Variants in PCDHGA8 observed in about 807,000 individuals in gnomAD.
PCDHGA8 encodes the protein protocadherin gamma subfamily A, 8.
A neutral mutation model predicts 59.2 loss-of-function variants in PCDHGA8; 45 were observed. That is an observed-to-expected ratio of 0.76 (90% confidence interval 0.60 to 0.98). The LOEUF (loss-of-function observed/expected upper bound fraction) is 0.98, where lower values mean the gene tolerates loss of function less well. Among genes scored for constraint, PCDHGA8 ranks in the 50% least tolerant of loss-of-function variants. PCDHGA8 has a pLI of 0.00. For missense variants in PCDHGA8, 1,257 were observed against 1,196.2 expected (o/e 1.05, Z -0.75); for synonymous variants, 531 against 519.0 (o/e 1.02, Z -0.32).
intron 1 of PCDHGA8, chr5:141,415,677 C>T (rs375781400): frequency 4.7e-6 from 7 of 1,499,248 alleles, no homozygotes; most frequent in Middle Eastern, 1.8e-4. Flanking sequence ...TTGAAGTTTG[C>T]GGCATGATGG....
intron 1 of PCDHGA8, among the ~76,000 whole-genome samples, chr5:141,482,723 A>G (rs1441054551): frequency 2.3e-5 from 3 of 128,892 alleles, no homozygotes; most frequent in Non-Finnish European, 4.9e-5. Context: ...GGGAGGGGCC[A>G]TTGCAAGAAA....
rs143317584 is a variant in PCDHGA8 at position 141,432,282 on chromosome 5, A to G, written c.2424+37045A>G. 5.0e-5 allele frequency: 81 copies of G among 1,613,850 alleles called. No homozygotes were observed. The African/African-American group carries it at 6.4e-4, about 13-fold the overall frequency. ...AGCCTATCGTCCTACGTGTCCATCAACTCCGACACTGGGGTACTGTATGCG... is the reference window on the plus strand; with the variant it reads ...AGCCTATCGTCCTACGTGTCCATCAGCTCCGACACTGGGGTACTGTATGCG... On this transcript the variant is annotated intron_variant, in intron 1 of 3. Transcript: ENST00000398604. This position sits in a 1 kb window ranked among gnomAD's most constrained non-coding sequence, Gnocchi z 6.0.
chr5:141,480,414 CAA>C (rs10712552), intron 1 of PCDHGA8, among the ~76,000 whole-genome samples: 346 of 147,498 alleles, frequency 2.3e-3, no homozygotes, highest in African/African-American at 8.3e-3. Flanking sequence ...GACCCTGTCT[CAA>C]AAAAAAAAAT....
chr5:141,403,753 C>T lies in PCDHGA8; in HGVS notation c.2424+8516C>T, dbSNP rs767515334. 1.5e-5 allele frequency: 25 copies of T among 1,613,504 alleles called. No homozygotes were observed. In the South Asian group the frequency reaches 2.6e-4, roughly 17 times the overall value. On this transcript the variant is annotated intron_variant, in intron 1 of 3. Transcript: ENST00000398604. ...CCTGGCTGCTTACTGCAACAGCCAG[C>T]GACCTGGATGAGGGAATCAACGGAA...
intron 1 of PCDHGA8, chr5:141,408,686 A>G (rs2095150873): frequency 6.2e-7 from 1 of 1,613,848 alleles, no homozygotes; most frequent in Non-Finnish European, 8.5e-7. Flanking sequence ...GGATCCTGAT[A>G]TAAACATAAA....
intron 1 of PCDHGA8, chr5:141,407,908 G>C (rs1431775491): frequency 2.4e-6 from 1 of 420,166 alleles, no homozygotes; most frequent in Non-Finnish European, 4.2e-6. Flanking sequence ...ATGAAAAACC[G>C]GGCTGCTGTC....
In PCDHGA8 at chr5:141,395,078, G is replaced by C; in HGVS notation, c.2265G>C (p.Gln755His). The change falls in exon 1 of 4, where the codon CAG becomes CAC. Residue 755 changes from glutamine (Q) to histidine (H), a missense_variant. Physicochemically the swap from Gln to His is conservative, Grantham distance 24. Coordinates refer to ENST00000398604, the MANE Select transcript of PCDHGA8 (RefSeq NM_032088.2). ...AGGCTTTCCTGCAGACCTATTCCCA[G>C]GAAGTCTCCCTCACCGCCGACTCGC... Reference protein sequence around the residue: ...EVQAFLQTYSQEVSLTADSRK... With the variant: ...EVQAFLQTYSHEVSLTADSRK... The C allele has an allele frequency of 6.2e-7, 1 of 1,614,126 alleles. No homozygotes were observed. Among genetic ancestry groups the C allele is most frequent in the Non-Finnish European group, 8.5e-7 (1 of 1,180,028 alleles).
At chr5:141,433,208 CTTT>C (rs745329085) in intron 1 of PCDHGA8, 6 of 1,292,918 alleles carry the variant, frequency 4.6e-6, no homozygotes, top group East Asian at 2.6e-5. Flanking sequence ...AATCTTCTTT[CTTT>C]TTTTTTTTTA....
chr5:141,441,547 A>G (rs1393958373), intron 1 of PCDHGA8: 1 of 182,772 alleles, frequency 5.5e-6, no homozygotes, highest in Admixed American at 6.4e-5. Context: ...CAAAGCCTCC[A>G]TAGTGTGCAA....
intron 2 of PCDHGA8, 57 bp downstream of exon 2, chr5:141,494,922 C>G: frequency 6.2e-7 from 1 of 1,613,670 alleles, no homozygotes; most frequent in Admixed American, 1.7e-5. Context: ...TCAGGGATGA[C>G]GTGGGAGGAG....
At chr5:141,492,778 G>A (rs2099743821) in intron 1 of PCDHGA8, among the ~76,000 whole-genome samples, 1 of 152,250 alleles carries the variant, frequency 6.6e-6, no homozygotes, top group South Asian at 2.1e-4. Context: ...GAGTGAGTGA[G>A]CCTCTATAGG....
intron 1 of PCDHGA8, chr5:141,415,268 T>C: frequency 6.2e-7 from 1 of 1,614,174 alleles, no homozygotes; most frequent in Non-Finnish European, 8.5e-7. Flanking sequence ...CTGTACCTGG[T>C]GGTAGCGGTG....
chr5:141,415,845 A>G, intron 1 of PCDHGA8: 1 of 1,246,436 alleles, frequency 8.0e-7, no homozygotes, highest in Non-Finnish European at 1.0e-6. Flanking sequence ...TTAGCTTTGC[A>G]GAACCTTGTA....
chr5:141,441,725 C>A, intron 1 of PCDHGA8: 1 of 352,450 alleles, frequency 2.8e-6, no homozygotes. Flanking sequence ...AGGCCCGCGA[C>A]CAGGACTAGC....
Position 141,489,173 on chromosome 5 carries a change from C to T in PCDHGA8, c.2425-5634C>T. 8.3e-7 allele frequency: 1 copy of T among 1,208,434 alleles called. No individual in the cohort carries two copies. Among genetic ancestry groups the T allele is most frequent in the Non-Finnish European group, 1.2e-6 (1 of 860,944 alleles). The allele number at this position is 1,208,434 out of a possible 1,614,324, so 74.9% of individuals were successfully genotyped here. ...CATAAGAGACTTCAGCTGCTGCATTCCAAGCCCTGGGTCTACCTTGGAGAC... is the reference window on the plus strand; with the variant it reads ...CATAAGAGACTTCAGCTGCTGCATTTCAAGCCCTGGGTCTACCTTGGAGAC... On this transcript the variant is annotated intron_variant, in intron 1 of 3. Coordinates refer to ENST00000398604, the MANE Select transcript of PCDHGA8 (RefSeq NM_032088.2). The surrounding 1 kb of genome is among the most constrained non-coding windows in gnomAD (Gnocchi z 4.5).
intron 1 of PCDHGA8, among the ~76,000 whole-genome samples, chr5:141,484,535 A>G (rs2099597486): frequency 6.6e-6 from 1 of 152,178 alleles, no homozygotes. Flanking sequence ...AGTATATGGC[A>G]GTGGTTCTAA....
chr5:141,404,800 C>G (rs369141362), intron 1 of PCDHGA8: 3 of 1,613,970 alleles, frequency 1.9e-6, no homozygotes, highest in Middle Eastern at 1.6e-4. Context: ...AGCCAGGGCT[C>G]TTCTCGGTGG....
At chr5:141,480,525 A>G (rs191522157) in intron 1 of PCDHGA8, among the ~76,000 whole-genome samples, 131 of 152,310 alleles carry the variant, frequency 8.6e-4, no homozygotes, top group African/African-American at 2.6e-3. Context: ...AAAAATGACA[A>G]AGTAGAAGCA....
At position 141,394,028 on chromosome 5, in the gene PCDHGA8, G is replaced by A. The variant is rs758413971; in HGVS notation, c.1215G>A (p.Val405=). 6.2e-7 allele frequency: 1 copy of A among 1,613,454 alleles called. No individual in the cohort carries two copies. Among genetic ancestry groups the A allele is most frequent in the Admixed American group, 1.7e-5 (1 of 59,956 alleles). The change falls in exon 1 of 4, where the codon GTG becomes GTA. Residue 405 remains valine, a synonymous_variant. Transcript: ENST00000398604. ...CAATAGGTAATTATTATAGATTAGT[G>A]ACAAGGAAATATTTGGACCGAGAAA... ...EKSIGNYYRL[V]TRKYLDRENV... is the part of the protein sequence containing the mutation.
Sources: gnomAD v4.1 joint callset for allele counts (sites outside exome capture counted in the v4.1 genomes callset) on GRCh38, gnomAD v4.1.1 for gene constraint, Gnocchi (gnomAD v3.1) non-coding constraint, MANE v1.5 for transcripts, NCBI Gene and HGNC (gene_info 2026-07-23, HGNC 2026-07-21) for gene names.